Variants in GMDS observed in about 807,000 individuals in gnomAD.
GMDS encodes the protein GDP-mannose 4,6-dehydratase.
In GMDS, 20 loss-of-function variants were observed where a neutral mutation model predicts 49.9. That is an observed-to-expected ratio of 0.40 (90% CI 0.28 to 0.58). The LOEUF (loss-of-function observed/expected upper bound fraction) is 0.58, where lower values mean the gene tolerates loss of function less well. Among genes scored for constraint, GMDS ranks in the 20% least tolerant of loss-of-function variants. GMDS has a pLI of 0.42. For synonymous variants in GMDS, 177 were observed against 178.6 expected (o/e 0.99, Z 0.07); for missense variants, 362 against 481.4 (o/e 0.75, Z 2.32).
intron 9 of GMDS, among the ~76,000 whole-genome samples, chr6:1,720,231 G>C (rs537277161): frequency 6.6e-6 from 1 of 152,112 alleles, no homozygotes; most frequent in Non-Finnish European, 1.5e-5. Context: ...GCTCTTGAGG[G>C]GGGAGAGCAA....
chr6:1,749,956 C>T (rs1767658138), intron 7 of GMDS, among the ~76,000 whole-genome samples: 2 of 152,134 alleles, frequency 1.3e-5, no homozygotes, highest in East Asian at 3.9e-4. Flanking sequence ...TTCAGCCTTC[C>T]AAGTAGATGG....
At chr6:1,963,629 G>A (rs1764096452) in intron 4 of GMDS, among the ~76,000 whole-genome samples, 1 of 152,110 alleles carries the variant, frequency 6.6e-6, no homozygotes, top group Non-Finnish European at 1.5e-5. Context: ...ACCATTTGTT[G>A]AAAAGGCCAG....
chr6:1,967,278 C>G (rs1353268014), intron 4 of GMDS, among the ~76,000 whole-genome samples: 1 of 152,212 alleles, frequency 6.6e-6, no homozygotes, highest in Admixed American at 6.5e-5. Flanking sequence ...TCCATGAGAG[C>G]TGGGTTTCAT....
At chr6:1,964,608 A>G (rs1234428976) in intron 4 of GMDS, among the ~76,000 whole-genome samples, 1 of 152,242 alleles carries the variant, frequency 6.6e-6, no homozygotes, top group Non-Finnish European at 1.5e-5. Flanking sequence ...ATTAGAACAT[A>G]GAATAAGGAA....
intron 1 of GMDS, among the ~76,000 whole-genome samples, chr6:2,237,500 T>C (rs1030293786): frequency 1.2e-4 from 18 of 151,142 alleles, no homozygotes; most frequent in African/African-American, 3.7e-4. Context: ...AAATTGTAAA[T>C]TGGAAGTTTG....
chr6:1,964,275 CAAT>C (rs967414551), intron 4 of GMDS, among the ~76,000 whole-genome samples: 5 of 152,170 alleles, frequency 3.3e-5, no homozygotes, highest in African/African-American at 1.2e-4. Context: ...TTTTGAACAA[CAAT>C]GAGAATGTTG....
chr6:2,097,348 T>C (rs1773665050), intron 4 of GMDS, among the ~76,000 whole-genome samples: 1 of 152,030 alleles, frequency 6.6e-6, no homozygotes, highest in South Asian at 2.1e-4. Flanking sequence ...TTATCACCTA[T>C]CTAGGGAAGG....
chr6:2,093,545 A>G (rs139318885), intron 4 of GMDS, among the ~76,000 whole-genome samples: 114 of 152,312 alleles, frequency 7.5e-4, no homozygotes, highest in African/African-American at 2.6e-3. Context: ...AGAAAAATGC[A>G]TAAGATAGCA....
intron 4 of GMDS, among the ~76,000 whole-genome samples, chr6:1,978,526 C>A (rs910500143): frequency 6.6e-6 from 1 of 152,158 alleles, no homozygotes; most frequent in East Asian, 1.9e-4. Context: ...CCGTTATACT[C>A]CTCCTTGTGG....
At chr6:1,940,170 T>C (rs1762754071) in intron 6 of GMDS, among the ~76,000 whole-genome samples, 1 of 139,206 alleles carries the variant, frequency 7.2e-6, no homozygotes, top group Admixed American at 7.4e-5. Context: ...TACACGATTG[T>C]ATATGTGCAT....
intron 4 of GMDS, among the ~76,000 whole-genome samples, chr6:2,111,746 TAATC>T (rs1368899613): frequency 6.6e-6 from 1 of 152,232 alleles, no homozygotes; most frequent in African/African-American, 2.4e-5. Flanking sequence ...GAAATTTAAT[TAATC>T]TTATGGCAAA....
chr6:1,860,270 T>C (rs778558938), intron 7 of GMDS, among the ~76,000 whole-genome samples: 12 of 152,206 alleles, frequency 7.9e-5, no homozygotes, highest in Non-Finnish European at 1.6e-4. Context: ...ATCTATACAA[T>C]AGATTACCAT....
chr6:2,196,794 G>A (rs1779291436), intron 1 of GMDS, among the ~76,000 whole-genome samples: 1 of 151,594 alleles, frequency 6.6e-6, no homozygotes, highest in Non-Finnish European at 1.5e-5. Flanking sequence ...TTGTGACTCT[G>A]ACTTCAAATT....
chr6:2,227,496 C>CA (rs904714699), intron 1 of GMDS, among the ~76,000 whole-genome samples: 1 of 152,074 alleles, frequency 6.6e-6, no homozygotes, highest in Non-Finnish European at 1.5e-5. Context: ...AGAACATCAA[C>CA]AAAAAAGCAA....
chr6:2,141,073 C>T (rs756592923), intron 1 of GMDS, among the ~76,000 whole-genome samples: 4 of 152,118 alleles, frequency 2.6e-5, no homozygotes, highest in Non-Finnish European at 4.4e-5. Context: ...AAATGGGAAA[C>T]AAAATAGCAG....
intron 1 of GMDS, among the ~76,000 whole-genome samples, chr6:2,164,516 G>T (rs1375002878): frequency 6.6e-6 from 1 of 152,180 alleles, no homozygotes; most frequent in Admixed American, 6.5e-5. Flanking sequence ...GGGTGGAGAG[G>T]CTACTCCCAT....
intron 4 of GMDS, among the ~76,000 whole-genome samples, chr6:2,076,593 C>G (rs2127463813): frequency 6.6e-6 from 1 of 152,228 alleles, no homozygotes; most frequent in Middle Eastern, 3.4e-3. Context: ...ACAGAGCCCT[C>G]AGAAATAATG....
intron 1 of GMDS, among the ~76,000 whole-genome samples, chr6:2,152,863 T>C (rs1470276552): frequency 6.6e-6 from 1 of 152,150 alleles, no homozygotes; most frequent in Non-Finnish European, 1.5e-5. Context: ...GAGATACCAA[T>C]GATATAATCA....
chr6:1,756,650 G>A (rs1449207951), intron 7 of GMDS, among the ~76,000 whole-genome samples: 3 of 152,202 alleles, frequency 2.0e-5, no homozygotes, highest in African/African-American at 4.8e-5. Context: ...CTCTGCTCCC[G>A]GTGGTGATGG....
Sources: gnomAD v4.1 joint callset for allele counts (sites outside exome capture counted in the v4.1 genomes callset) on GRCh38, gnomAD v4.1.1 for gene constraint, MANE v1.5 for transcripts, NCBI Gene and HGNC (gene_info 2026-07-23, HGNC 2026-07-21) for gene names.